PACRGL: variants seen among roughly 807,000 people sequenced by gnomAD.
PACRGL encodes the protein PACRG-like protein.
PACRGL carries 38 observed loss-of-function variants against 34.5 expected under a neutral mutation model. The ratio of observed to expected loss-of-function variants is 1.10; its 90% CI spans 0.85 to 1.44. PACRGL has a LOEUF of 1.44. PACRGL is among the 40% of genes most tolerant of loss of function. The pLI is 0.00. For missense variants in PACRGL, 305 were observed against 281.4 expected, an observed-to-expected ratio of 1.08 and a Z score of -0.60; for synonymous variants, 128 against 100.1, an observed-to-expected ratio of 1.28 and a Z score of -1.66.
At chr4:20,750,017 T>C (rs1437352064) in intron 8 of PACRGL, among the ~76,000 whole-genome samples, 1 of 152,146 alleles carries the variant, frequency 6.6e-6, no homozygotes, top group Non-Finnish European at 1.5e-5. Context: ...CAAGAAATGG[T>C]CCCATAGGTG....
the PACRGL span, among the ~76,000 whole-genome samples, chr4:20,760,125 C>CT: frequency 6.6e-6 from 1 of 152,184 alleles, no homozygotes; most frequent in East Asian, 1.9e-4. Context: ...CAAGAGTCAA[C>CT]TGCACATTGT....
At chr4:20,726,884 C>G (rs1167249324) in intron 8 of PACRGL, among the ~76,000 whole-genome samples, 1 of 152,124 alleles carries the variant, frequency 6.6e-6, no homozygotes, top group Non-Finnish European at 1.5e-5. Flanking sequence ...GAACTTATTA[C>G]ATGGCAGGTA....
the PACRGL span, among the ~76,000 whole-genome samples, chr4:20,764,647 A>C: frequency 6.6e-6 from 1 of 151,030 alleles, no homozygotes. Context: ...TCTCACACCG[A>C]GAGGAGCTAC....
In PACRGL at chr4:20,730,406, C is replaced by CAAATCATAATGCCAA. The variant is rs1747753357; in HGVS notation, c.*3068_*3082dup. ...CTTGGTATTAATAGAGGATATTTCT[C>CAAATCATAATGCCAA]AAATCATAATGCCAAAATGGAAACT... On this transcript the variant is annotated 3_prime_UTR_variant, in exon 9 of 9. Transcript: ENST00000503585. Among the ~76,000 whole-genome samples the CAAATCATAATGCCAA allele has an allele frequency of 1.3e-5, 2 of 152,108 alleles. No homozygotes were observed. Among genetic ancestry groups the CAAATCATAATGCCAA allele is most frequent in the Admixed American group, 1.3e-4 (2 of 15,258 alleles).
At chr4:20,753,629 C>T (rs1048804737), downstream of PACRGL, among the ~76,000 whole-genome samples, 4 of 152,124 alleles carry the variant, frequency 2.6e-5, no homozygotes, top group African/African-American at 7.2e-5. Context: ...AATAGAATCA[C>T]CTTCATGTAT....
the PACRGL span, among the ~76,000 whole-genome samples, chr4:20,765,697 TGATGACC>T: frequency 6.6e-6 from 1 of 152,204 alleles, no homozygotes; most frequent in African/African-American, 2.4e-5. Context: ...TACTTATCTA[TGATGACC>T]ATTGCATTTC....
downstream of PACRGL, among the ~76,000 whole-genome samples, chr4:20,737,504 C>T (rs73110233): frequency 0.11 from 17,207 of 152,000 alleles, 1,158 homozygotes; most frequent in South Asian, 0.19. Context: ...GTAGATGGGC[C>T]GATCTGAGAA....
chr4:20,712,883 T>A lies in PACRGL; in HGVS notation c.462T>A (p.Pro154=). Residue 154 remains proline, a synonymous_variant, in exon 6 of 9, where the codon CCT becomes CCA. Coordinates refer to ENST00000503585, the MANE Select transcript of PACRGL (RefSeq NM_001258345.3). ...LVKGAPEKAI[P]LLPRLIPVLK... ...AAGGTGCTCCTGAAAAAGCTATTCC[T>A]TTGCTACCTAGACTGATTCCTGTGC... 6.2e-7 allele frequency: 1 copy of A among 1,605,226 alleles called. No homozygotes were observed. Among genetic ancestry groups the A allele is most frequent in the Non-Finnish European group, 8.5e-7 (1 of 1,174,652 alleles).
chr4:20,751,064 T>A (rs1173046041), intron 8 of PACRGL, among the ~76,000 whole-genome samples: 2 of 152,198 alleles, frequency 1.3e-5, no homozygotes, highest in African/African-American at 4.8e-5. Flanking sequence ...CCCGAATGCT[T>A]CAGTGTAGTA....
At position 20,724,901 on chromosome 4, in the gene PACRGL, T is replaced by C. The variant is rs1217004475; in HGVS notation, c.690+13T>C. On this transcript the variant is annotated intron_variant, in intron 8 of 8. Transcript: ENST00000503585. ...ACATGGTGGAAGTGTAAGTAGAATA[T>C]TATTCCTTAAGTCTTTTTTTTTAAC... 5 of 1,407,698 alleles carry C rather than the reference T, an allele frequency of 3.6e-6. No individual in the cohort carries two copies. The highest frequency in any genetic ancestry group is 2.8e-6 in the Non-Finnish European group (3 of 1,082,966). The allele number at this position is 1,407,698 out of a possible 1,614,324, so 87.2% of individuals were successfully genotyped here.
At chr4:20,760,847 A>G in the PACRGL span, among the ~76,000 whole-genome samples, 3 of 152,160 alleles carry the variant, frequency 2.0e-5, no homozygotes, top group Non-Finnish European at 2.9e-5. Context: ...ACAAATGAGC[A>G]AGCAAGCAAG....
At chr4:20,721,430 T>C (rs1743133790) in intron 7 of PACRGL, among the ~76,000 whole-genome samples, 3 of 152,176 alleles carry the variant, frequency 2.0e-5, no homozygotes, top group African/African-American at 7.2e-5. Flanking sequence ...GGTTTTCTGC[T>C]CTGTTTTTTC....
intron 1 of PACRGL, among the ~76,000 whole-genome samples, chr4:20,703,261 C>T (rs1733017807): frequency 6.6e-6 from 1 of 152,020 alleles, no homozygotes; most frequent in Non-Finnish European, 1.5e-5. Flanking sequence ...ACTTGAGAGG[C>T]AGTCATTATT....
chr4:20,703,880 A>C (rs545338013), intron 1 of PACRGL, among the ~76,000 whole-genome samples: 1 of 152,270 alleles, frequency 6.6e-6, no homozygotes, highest in African/African-American at 2.4e-5. Context: ...GGAAAAGGAG[A>C]CAATGGTGAT....
At chr4:20,739,638 G>A (rs373640009) in intron 8 of PACRGL, among the ~76,000 whole-genome samples, 10 of 152,316 alleles carry the variant, frequency 6.6e-5, no homozygotes, top group South Asian at 6.2e-4. Flanking sequence ...AAGATGGAGA[G>A]AAACCAGAGC....
At chr4:20,726,516 C>T (rs1745718931) in intron 8 of PACRGL, among the ~76,000 whole-genome samples, 1 of 152,106 alleles carries the variant, frequency 6.6e-6, no homozygotes, top group Non-Finnish European at 1.5e-5. Flanking sequence ...GTGCTAATTT[C>T]TGTTACTTCG....
chr4:20,709,724 G>T lies in PACRGL; in HGVS notation c.317G>T (p.Cys106Phe). 6.2e-7 allele frequency: 1 copy of T among 1,610,484 alleles called. No individual in the cohort carries two copies. Among genetic ancestry groups the T allele is most frequent in the Non-Finnish European group, 8.5e-7 (1 of 1,177,260 alleles). ...GTAAAACACAGATTACAGTGGGAAT[G>T]TCCTCCTGAAAGTCTTTCATTTGAT... is the stretch of plus-strand genomic sequence containing the variant. ...GSVKHRLQWE[C>F]PPESLSFDPL... The change falls in exon 5 of 9, where the codon TGT becomes TTT. Residue 106 changes from cysteine (C) to phenylalanine (F), a missense_variant. Cys to Phe is a radical substitution (Grantham distance 205, BLOSUM62 -2). Transcript: ENST00000503585.
chr4:20,732,667 G>C (rs778133430), downstream of PACRGL: 3 of 1,567,312 alleles, frequency 1.9e-6, no homozygotes, highest in African/African-American at 4.1e-5. Context: ...CTTGACTTCT[G>C]TTTTAATTCC....
At chr4:20,741,238 A>G (rs1308891561) in intron 8 of PACRGL, among the ~76,000 whole-genome samples, 1 of 152,172 alleles carries the variant, frequency 6.6e-6, no homozygotes, top group South Asian at 2.1e-4. Flanking sequence ...ACATCTACAG[A>G]ACTCTCCACC....
Sources: gnomAD v4.1 joint callset for allele counts (sites outside exome capture counted in the v4.1 genomes callset) on GRCh38, gnomAD v4.1.1 for gene constraint, MANE v1.5 for transcripts, NCBI Gene and HGNC (gene_info 2026-07-23, HGNC 2026-07-21) for gene names.